The following NIPA1 variants were observed in gnomAD, a reference collection of about 807,000 sequenced individuals.
The protein encoded by NIPA1 is NIPA magnesium transporter 1.
NIPA1 carries 13 observed loss-of-function variants against 23.9 expected under a neutral mutation model. That is an observed-to-expected ratio of 0.54 (90% CI 0.35 to 0.87). The LOEUF is 0.87. NIPA1 is among the 40% of genes least tolerant of loss of function. The probability of loss-of-function intolerance (pLI) is 0.01; values close to 1 mark genes in which losing one functional copy is unlikely to be tolerated. For synonymous variants in NIPA1, 234 were observed against 202.9 expected, an observed-to-expected ratio of 1.15 and a Z score of -1.30; for missense variants, 362 against 429.7, an observed-to-expected ratio of 0.84 and a Z score of 1.39.
At chr15:22,804,040 G>A (rs1895146376) in intron 1 of NIPA1, among the ~76,000 whole-genome samples, 1 of 151,564 alleles carries the variant, frequency 6.6e-6, no homozygotes, top group South Asian at 2.1e-4. Context: ...GCAGTGGCGT[G>A]ATCTTGGCTC....
rs771926730 is a variant in NIPA1 at position 22,828,486 on chromosome 15, TG to T, written c.*4248del. ...GATTCTTATACCTCCATTGTATACT[TG>T]AAAAGGTTCAGAATTACAGGAACAG... On this transcript the variant is annotated 3_prime_UTR_variant, in exon 5 of 5. Coordinates refer to ENST00000337435, the MANE Select transcript of NIPA1 (RefSeq NM_144599.5). 3.3e-5 allele frequency: 5 copies of T among 152,592 alleles called. No individual in the cohort carries two copies. Among genetic ancestry groups the T allele is most frequent in the Non-Finnish European group, 1.5e-5 (1 of 68,036 alleles). The allele number at this position is 152,592 out of a possible 1,614,324, so 9.5% of individuals were successfully genotyped here.
intron 3 of NIPA1, among the ~76,000 whole-genome samples, chr15:22,812,723 T>A (rs1895344418): frequency 1.3e-5 from 2 of 152,178 alleles, no homozygotes; most frequent in Non-Finnish European, 2.9e-5. Context: ...TCAAATGTAG[T>A]TCTGGGTAGT....
intron 1 of NIPA1, among the ~76,000 whole-genome samples, chr15:22,805,127 A>G (rs1356414798): frequency 6.6e-6 from 1 of 152,068 alleles, no homozygotes; most frequent in Non-Finnish European, 1.5e-5. Flanking sequence ...GGCGTGAGCC[A>G]CCATGCCCAG....
chr15:22,812,990 T>G (rs1895349020), intron 3 of NIPA1, among the ~76,000 whole-genome samples: 1 of 152,000 alleles, frequency 6.6e-6, no homozygotes, highest in South Asian at 2.1e-4. Flanking sequence ...ATTACAGAGG[T>G]TGGGATGAAT....
intron 1 of NIPA1, among the ~76,000 whole-genome samples, chr15:22,805,413 G>A (rs548116836): frequency 5.3e-5 from 8 of 152,180 alleles, no homozygotes; most frequent in Non-Finnish European, 8.8e-5. Context: ...AGGACCGGGC[G>A]CGGTGGCTCA....
intron 1 of NIPA1, among the ~76,000 whole-genome samples, chr15:22,791,143 A>G (rs1894816231): frequency 6.6e-6 from 1 of 152,036 alleles, no homozygotes; most frequent in African/African-American, 2.4e-5. Flanking sequence ...TATCAGTGGC[A>G]CTGGGTGGTC....
At chr15:22,807,138 G>A (rs1210967671) in intron 1 of NIPA1, among the ~76,000 whole-genome samples, 3 of 152,178 alleles carry the variant, frequency 2.0e-5, no homozygotes, top group African/African-American at 7.2e-5. Context: ...GACCCTTTGG[G>A]AAAAGAACAA....
chr15:22,799,988 T>C (rs953671962), intron 1 of NIPA1, among the ~76,000 whole-genome samples: 8 of 141,594 alleles, frequency 5.6e-5, no homozygotes, highest in Non-Finnish European at 1.2e-4. Flanking sequence ...GAAAAGATGA[T>C]GTAATAGACA....
At chr15:22,798,240 T>A (rs1336927284) in intron 1 of NIPA1, among the ~76,000 whole-genome samples, 4 of 12,886 alleles carry the variant, frequency 3.1e-4, no homozygotes, top group African/African-American at 8.1e-3. Context: ...CTAAAAATCT[T>A]TTTTTTTTTT....
chr15:22,796,492 T>G (rs1779753585), intron 1 of NIPA1, among the ~76,000 whole-genome samples: 1 of 151,792 alleles, frequency 6.6e-6, no homozygotes, highest in Admixed American at 6.6e-5. Context: ...TTTTTAGAGA[T>G]AGGGTCTTGT....
chr15:22,807,139 A>G (rs931374832), intron 1 of NIPA1, among the ~76,000 whole-genome samples: 2 of 152,196 alleles, frequency 1.3e-5, no homozygotes, highest in African/African-American at 4.8e-5. Flanking sequence ...ACCCTTTGGG[A>G]AAAGAACAAA....
At chr15:22,797,215 G>A (rs1482432640) in intron 1 of NIPA1, among the ~76,000 whole-genome samples, 1 of 74,910 alleles carries the variant, frequency 1.3e-5, no homozygotes, top group Admixed American at 1.1e-4. Context: ...AATATATTTG[G>A]GTTTTTTTTT....
intron 3 of NIPA1, among the ~76,000 whole-genome samples, chr15:22,817,596 A>G (rs769215683): frequency 1.1e-4 from 17 of 151,416 alleles, no homozygotes; most frequent in Non-Finnish European, 1.2e-4. Flanking sequence ...AGGTCAGGAG[A>G]TCAAGACCAT....
In NIPA1 at chr15:22,786,842, G is replaced by A; in HGVS notation, c.178+8G>A. 8.4e-7 allele frequency: 1 copy of A among 1,189,470 alleles called. No homozygotes were observed. 73.7% of individuals were successfully genotyped at this position (1,189,470 alleles called of 1,614,324 possible). On this transcript the variant is annotated splice_region_variant and intron_variant, in intron 1 of 4. Transcript: ENST00000337435. ...TGCGTGCCAAGCGGCGAGGTAGGGC[G>A]GGCGGCAGGCGGCAGGCGGCGGGCG...
Position 22,819,125 on chromosome 15 carries a change from A to G in NIPA1, c.318-1188A>G, listed in dbSNP as rs115494546. On this transcript the variant is annotated intron_variant, in intron 3 of 4. Transcript: ENST00000337435. ...TGACACTGTTGGGAGCTTCTTAAGA[A>G]CAGGCTGTCTAGGGACAAGGATGTG... Among the ~76,000 whole-genome samples the G allele has an allele frequency of 5.5e-3, 842 of 152,204 alleles. 7 individuals carry two copies. Among genetic ancestry groups the G allele is most frequent in the African/African-American group, 0.02 (812 of 41,518 alleles).
intron 1 of NIPA1, among the ~76,000 whole-genome samples, chr15:22,805,363 G>C (rs375357987): frequency 6.6e-6 from 1 of 152,054 alleles, no homozygotes; most frequent in Non-Finnish European, 1.5e-5. Context: ...TGTCAGGAAA[G>C]AATATTTATT....
intron 1 of NIPA1, among the ~76,000 whole-genome samples, chr15:22,807,613 CA>C (rs1389320549): frequency 6.6e-6 from 1 of 151,724 alleles, no homozygotes; most frequent in African/African-American, 2.4e-5. Context: ...TCTAAAAACC[CA>C]ATAAAAACAA....
chr15:22,799,027 C>T (rs1895006524), intron 1 of NIPA1, among the ~76,000 whole-genome samples: 1 of 151,874 alleles, frequency 6.6e-6, no homozygotes, highest in Admixed American at 6.6e-5. Context: ...GGAGATTTTT[C>T]AAAGAACTAA....
In NIPA1 at chr15:22,824,264, C is replaced by T. The variant is rs1273202499; in HGVS notation, c.*25C>T. ...GATTGCAATAGGAGCTTGGATGGTT[C>T]GAGGAATAGGCATTGGAGGTGGTTT... On this transcript the variant is annotated 3_prime_UTR_variant, in exon 5 of 5. Coordinates refer to ENST00000337435, the MANE Select transcript of NIPA1 (RefSeq NM_144599.5). The surrounding 1 kb of genome is among the most constrained non-coding windows in gnomAD (Gnocchi z 4.1). The T allele has an allele frequency of 1.3e-5, 20 of 1,598,634 alleles. No homozygotes were observed. The highest frequency in any genetic ancestry group is 2.2e-5 in the South Asian group (2 of 90,574).
Sources: gnomAD v4.1 joint callset for allele counts (sites outside exome capture counted in the v4.1 genomes callset) on GRCh38, gnomAD v4.1.1 for gene constraint, Gnocchi (gnomAD v3.1) non-coding constraint, MANE v1.5 for transcripts, NCBI Gene and HGNC (gene_info 2026-07-23, HGNC 2026-07-21) for gene names.